Variants in LIN52 observed in about 807,000 individuals in gnomAD.
The protein encoded by LIN52 is lin-52 DREAM MuvB core complex component.
A neutral mutation model predicts 18.5 loss-of-function variants in LIN52; 4 were observed. That is an observed-to-expected ratio of 0.22 (90% CI 0.11 to 0.49). LIN52 has a LOEUF of 0.49. Ranked by LOEUF, LIN52 falls within the 20% of genes least tolerant of loss-of-function variation. The probability of loss-of-function intolerance (pLI) is 0.97; values close to 1 mark genes in which losing one functional copy is unlikely to be tolerated. For missense variants in LIN52, 102 were observed against 139.5 expected, an observed-to-expected ratio of 0.73 and a Z score of 1.35; for synonymous variants, 34 against 45.5, an observed-to-expected ratio of 0.75 and a Z score of 1.02.
intron 5 of LIN52, among the ~76,000 whole-genome samples, chr14:74,155,110 C>T (rs2061194040): frequency 6.6e-6 from 1 of 152,230 alleles, no homozygotes; most frequent in Admixed American, 6.5e-5. Context: ...ATGTCTCTGG[C>T]TCTTTGCCTT....
chr14:74,156,988 A>G (rs12888069), intron 5 of LIN52, among the ~76,000 whole-genome samples: 67,506 of 150,942 alleles, frequency 0.45, 16,151 homozygotes, highest in Non-Finnish European at 0.53. Context: ...ATTCTTTTGT[A>G]TGGCTAAGTA....
chr14:74,186,320 A>C (rs1473013399), intron 5 of LIN52, among the ~76,000 whole-genome samples: 3 of 151,860 alleles, frequency 2.0e-5, no homozygotes, highest in Non-Finnish European at 4.4e-5. Flanking sequence ...ACAAACAAAA[A>C]ACTGAAAAGG....
intron 5 of LIN52, among the ~76,000 whole-genome samples, chr14:74,135,158 G>A (rs1257956002): frequency 8.6e-5 from 13 of 151,998 alleles, no homozygotes; most frequent in Admixed American, 7.9e-4. Context: ...TCCGCTTCCC[G>A]GGTTCAAGCG....
rs776969152 is a variant in LIN52 at position 74,137,498 on chromosome 14, C to CTCT, written c.283+36261_283+36262insCTT. 2.2e-4 allele frequency among the ~76,000 whole-genome samples: 24 copies of CTCT among 111,604 alleles called. 2 individuals carry two copies. Among genetic ancestry groups the CTCT allele is most frequent in the Non-Finnish European group, 2.6e-4 (15 of 57,694 alleles). 73.2% of individuals were successfully genotyped at this position (111,604 alleles called of 152,430 possible). ...GCACTAAATTCTTCACAGCAGCTCTCTTTTTTTTTTTTTTTTTTGAGATGG... is the reference window on the plus strand; with the variant it reads ...GCACTAAATTCTTCACAGCAGCTCTCTCTTTTTTTTTTTTTTTTTTTGAGATGG... On this transcript the variant is annotated intron_variant, in intron 5 of 5. Transcript: ENST00000555028.
chr14:74,187,290 T>C (rs1269955557), intron 5 of LIN52, among the ~76,000 whole-genome samples: 1 of 152,176 alleles, frequency 6.6e-6, no homozygotes, highest in Non-Finnish European at 1.5e-5. Flanking sequence ...AAAAACCTTT[T>C]TCAGTGTATT....
chr14:74,090,138 C>T (rs895533153), intron 1 of LIN52, among the ~76,000 whole-genome samples: 1 of 150,876 alleles, frequency 6.6e-6, no homozygotes, highest in Non-Finnish European at 1.5e-5. Flanking sequence ...CCTGCCTCAT[C>T]CTCCCCAGTA....
rs71460958 is a variant in LIN52 at position 74,130,278 on chromosome 14, G to GTTTTTTTTTTTTTTTTTTTTTTTTT, written c.283+29058_283+29059insTTTTTTTTTTTTTTTTTTTTTTTTT. 1.6e-3 allele frequency among the ~76,000 whole-genome samples: 106 copies of GTTTTTTTTTTTTTTTTTTTTTTTTT among 64,806 alleles called. 22 individuals carry two copies. Among genetic ancestry groups the GTTTTTTTTTTTTTTTTTTTTTTTTT allele is most frequent in the Non-Finnish European group, 2.0e-3 (72 of 35,784 alleles). 42.5% of individuals were successfully genotyped at this position (64,806 alleles called of 152,430 possible). On this transcript the variant is annotated intron_variant, in intron 5 of 5. Coordinates refer to ENST00000555028, the MANE Select transcript of LIN52 (RefSeq NM_001024674.3). The stretch of plus-strand genomic sequence containing the variant: ...GAATTTATTAGATAGGCATTTTTTG[G>GTTTTTTTTTTTTTTTTTTTTTTTTT]TTTTTTTTTTTTTTTTTTGAGACAG...
chr14:74,173,544 TTAAA>T (rs1462665429), intron 5 of LIN52, among the ~76,000 whole-genome samples: 1 of 152,238 alleles, frequency 6.6e-6, no homozygotes, highest in Non-Finnish European at 1.5e-5. Flanking sequence ...TTTGATATGT[TTAAA>T]TATACAGTTT....
intron 2 of LIN52, among the ~76,000 whole-genome samples, chr14:74,092,458 C>G (rs938008054): frequency 3.3e-5 from 5 of 150,282 alleles, no homozygotes; most frequent in Admixed American, 3.3e-4. Context: ...GCACATGCCG[C>G]AATGCCCGGC....
chr14:74,167,067 G>T (rs1344367166), intron 5 of LIN52, among the ~76,000 whole-genome samples: 2 of 150,684 alleles, frequency 1.3e-5, no homozygotes, highest in Admixed American at 6.6e-5. Context: ...AAACCACTCA[G>T]GCTGGTATCT....
chr14:74,181,435 C>CA (rs35376861), intron 5 of LIN52, among the ~76,000 whole-genome samples: 16,223 of 108,210 alleles, frequency 0.15, 1,116 homozygotes, highest in Admixed American at 0.25. Flanking sequence ...AAGACCCTGT[C>CA]AAAAAAAAAA....
intron 5 of LIN52, among the ~76,000 whole-genome samples, chr14:74,131,100 T>C (rs1255458069): frequency 6.6e-6 from 1 of 152,134 alleles, no homozygotes; most frequent in Non-Finnish European, 1.5e-5. Context: ...AAATTAAATT[T>C]TTTATTCTTA....
chr14:74,101,122 G>T (rs939330695), intron 4 of LIN52, 33 bp from the exon 5 acceptor site: 1 of 1,570,002 alleles, frequency 6.4e-7, no homozygotes, highest in Non-Finnish European at 8.7e-7. Context: ...AGAGTGGAAA[G>T]AAATGATGTT....
chr14:74,196,196 AG>A (rs1356948263), intron 5 of LIN52, among the ~76,000 whole-genome samples: 2 of 152,334 alleles, frequency 1.3e-5, no homozygotes, highest in Admixed American at 1.3e-4. Flanking sequence ...GAGTAGAAAA[AG>A]GGTTGTTAAA....
intron 3 of LIN52, 42 bp downstream of exon 3, chr14:74,096,027 CGCTCCTGAGTAAAA>C (rs1352711946): frequency 7.3e-7 from 1 of 1,361,244 alleles, no homozygotes; most frequent in African/African-American, 1.5e-5. Flanking sequence ...TCCAAAGTTT[CGCTCCTGAGTAAAA>C]GCTCAGATCT....
intron 5 of LIN52, among the ~76,000 whole-genome samples, chr14:74,193,379 A>G (rs892734508): frequency 1.3e-5 from 2 of 151,690 alleles, no homozygotes; most frequent in African/African-American, 4.8e-5. Flanking sequence ...GCACCACTGC[A>G]CTCCAGCCTG....
chr14:74,148,658 G>T (rs765331222), intron 5 of LIN52, among the ~76,000 whole-genome samples: 2 of 152,056 alleles, frequency 1.3e-5, no homozygotes, highest in Non-Finnish European at 2.9e-5. Context: ...TTATATAGCA[G>T]TTGCTATTTG....
At chr14:74,107,069 T>C (rs1042844383) in intron 5 of LIN52, among the ~76,000 whole-genome samples, 3 of 152,216 alleles carry the variant, frequency 2.0e-5, no homozygotes, top group Non-Finnish European at 4.4e-5. Flanking sequence ...CCAAAACACA[T>C]GCACTGTCTC....
chr14:74,163,526 G>A (rs1170286878), intron 5 of LIN52, among the ~76,000 whole-genome samples: 1 of 152,128 alleles, frequency 6.6e-6, no homozygotes, highest in African/African-American at 2.4e-5. Flanking sequence ...CATGGAAAAA[G>A]CTAAAGACAT....
Sources: gnomAD v4.1 joint callset for allele counts (sites outside exome capture counted in the v4.1 genomes callset) on GRCh38, gnomAD v4.1.1 for gene constraint, MANE v1.5 for transcripts, NCBI Gene and HGNC (gene_info 2026-07-23, HGNC 2026-07-21) for gene names.